The following MAPKAPK5 variants were observed in gnomAD, a reference collection of about 807,000 sequenced individuals.
The protein encoded by MAPKAPK5 is MAP kinase-activated protein kinase 5.
In MAPKAPK5, 30 loss-of-function variants were observed where a neutral mutation model predicts 65.1. That is an observed-to-expected ratio of 0.46 (90% CI 0.34 to 0.63). MAPKAPK5 has a LOEUF of 0.63. MAPKAPK5 is among the 20% of genes least tolerant of loss of function. The pLI, the probability that MAPKAPK5 is intolerant of heterozygous loss-of-function variation, is 0.01. For synonymous variants in MAPKAPK5, 179 were observed against 204.6 expected (o/e 0.87, Z 1.07); for missense variants, 433 against 581.4 (o/e 0.74, Z 2.63).
chr12:111,860,412 T>C (rs2069398601), intron 1 of MAPKAPK5, among the ~76,000 whole-genome samples: 1 of 152,256 alleles, frequency 6.6e-6, no homozygotes, highest in Non-Finnish European at 1.5e-5. Context: ...TCTATGGCTC[T>C]GTTTCAGGAT....
chr12:111,886,741 G>C (rs1566273978), intron 10 of MAPKAPK5, among the ~76,000 whole-genome samples: 2 of 152,228 alleles, frequency 1.3e-5, no homozygotes, highest in Non-Finnish European at 2.9e-5. Context: ...TTAAGTCTTA[G>C]TGGGATGCAG....
intron 7 of MAPKAPK5, among the ~76,000 whole-genome samples, chr12:111,873,469 AAGTAGCTGGGATT>A (rs1241348410): frequency 6.6e-6 from 1 of 151,850 alleles, no homozygotes; most frequent in African/African-American, 2.4e-5. Context: ...TCAGCCTCCT[AAGTAGCTGGGATT>A]ACAGGAGCCC....
At chr12:111,866,131 AT>A in intron 2 of MAPKAPK5, 24 bp from the exon 3 acceptor site, 1 of 1,544,494 alleles carries the variant, frequency 6.5e-7, no homozygotes, top group Non-Finnish European at 8.8e-7. Flanking sequence ...ATGATCTCTG[AT>A]TGATTTTTTT....
intron 1 of MAPKAPK5, among the ~76,000 whole-genome samples, chr12:111,849,412 T>A (rs1247561898): frequency 6.6e-6 from 1 of 152,136 alleles, no homozygotes; most frequent in Non-Finnish European, 1.5e-5. Flanking sequence ...TCCACCACCA[T>A]GCCTAGCTAA....
At chr12:111,847,326 C>T (rs555040490) in intron 1 of MAPKAPK5, among the ~76,000 whole-genome samples, 36 of 138,204 alleles carry the variant, frequency 2.6e-4, no homozygotes, top group Admixed American at 2.0e-3. Flanking sequence ...CCAGCCTGGG[C>T]GACAGGGTGA....
rs2070748818 is a variant in MAPKAPK5, at chr12:111,895,043, T to G, written c.*1982T>G. The G allele has an allele frequency of 1.3e-5, 2 of 151,224 alleles. No individual in the cohort carries two copies. Among genetic ancestry groups the G allele is most frequent in the African/African-American group, 2.4e-5 (1 of 41,090 alleles). The allele number at this position is 151,224 out of a possible 1,614,324, so 9.4% of individuals were successfully genotyped here. On this transcript the variant is annotated 3_prime_UTR_variant, in exon 14 of 14. Transcript: ENST00000550735. ...GTATGTGTGTGACTGCCTGTGGGAA[T>G]AGATGATAAAAAACAAGTGTCTTAA...
chr12:111,852,221 A>C (rs576475796), intron 1 of MAPKAPK5, among the ~76,000 whole-genome samples: 23 of 152,200 alleles, frequency 1.5e-4, no homozygotes, highest in Non-Finnish European at 3.2e-4. Flanking sequence ...AAAGCAAAAA[A>C]GTCAGACAGA....
At chr12:111,859,556 G>A (rs1000387389) in intron 1 of MAPKAPK5, among the ~76,000 whole-genome samples, 1 of 152,144 alleles carries the variant, frequency 6.6e-6, no homozygotes, top group African/African-American at 2.4e-5. Context: ...GAGCCACTGT[G>A]CCCGGTCAAT....
chr12:111,861,315 G>GT (rs1002520417), intron 1 of MAPKAPK5, among the ~76,000 whole-genome samples: 14 of 148,630 alleles, frequency 9.4e-5, no homozygotes, highest in Non-Finnish European at 1.5e-4. Flanking sequence ...TAGTTTTTTT[G>GT]TTTTTTTTGT....
intron 10 of MAPKAPK5, 37 bp downstream of exon 10, chr12:111,886,073 T>C: frequency 6.2e-7 from 1 of 1,613,624 alleles, no homozygotes; most frequent in Non-Finnish European, 8.5e-7. Context: ...CTGAAAAGAC[T>C]GTGTTGGGAA....
intron 8 of MAPKAPK5, among the ~76,000 whole-genome samples, chr12:111,882,486 G>A (rs979654482): frequency 4.6e-5 from 7 of 152,358 alleles, no homozygotes; most frequent in Admixed American, 3.9e-4. Context: ...CCCAGTGGCA[G>A]GCTCACGGGG....
chr12:111,867,481 T>C (rs2136108098), intron 3 of MAPKAPK5, 91 bp from the exon 4 acceptor site: 1 of 808,594 alleles, frequency 1.2e-6, no homozygotes, highest in Middle Eastern at 2.4e-4. Context: ...AAGTTTTTAT[T>C]GTAATTAGCT....
rs761679312 is a variant in MAPKAPK5 at position 111,885,988 on chromosome 12, C to T, written c.921C>T (p.Thr307=). The change falls in exon 10 of 14, where the codon ACC becomes ACT. Residue 307 remains threonine (T), a synonymous_variant. Transcript: ENST00000550735. ...TGGACCACCCCTGGCTCAATTCCACCGAGGCCCTGGATAATGTGCTGCCTT... is the reference window on the plus strand; with the variant it reads ...TGGACCACCCCTGGCTCAATTCCACTGAGGCCCTGGATAATGTGCTGCCTT... The part of the protein sequence containing the change: ...GVLDHPWLNS[T]EALDNVLPSA... The T allele has an allele frequency of 1.6e-5, 26 of 1,613,818 alleles. No homozygotes were observed. Among genetic ancestry groups the T allele is most frequent in the South Asian group, 7.7e-5 (7 of 91,080 alleles).
At chr12:111,880,262 T>C (rs953383756) in intron 7 of MAPKAPK5, 185 bp from the exon 8 acceptor site, 1 of 587,502 alleles carries the variant, frequency 1.7e-6, no homozygotes, top group Non-Finnish European at 3.1e-6. Context: ...TTTCCCTGGC[T>C]GATGGATAAA....
At position 111,899,852 on chromosome 12, in the gene MAPKAPK5, A is replaced by C; in HGVS notation, c.*6791A>C. 2.2e-6 allele frequency: 1 copy of C among 453,604 alleles called. No individual in the cohort carries two copies. Among genetic ancestry groups the C allele is most frequent in the Non-Finnish European group, 4.4e-6 (1 of 224,760 alleles). 28.1% of individuals were successfully genotyped at this position (453,604 alleles called of 1,614,324 possible). On this transcript the variant is annotated 3_prime_UTR_variant, in exon 14 of 14. Transcript: ENST00000550735. ...ACGGTTTGAACATGTGTTATACACC[A>C]TGGCACATCAAGCGTGAGTCTCCTG...
At position 111,901,470 on chromosome 12, in the gene MAPKAPK5, A is replaced by G. The variant is rs1022006607; in HGVS notation, c.*8409A>G. 6.6e-6 allele frequency: 3 copies of G among 453,016 alleles called. No homozygotes were observed. 28.1% of individuals were successfully genotyped at this position (453,016 alleles called of 1,614,324 possible). On this transcript the variant is annotated 3_prime_UTR_variant, in exon 14 of 14. Coordinates refer to ENST00000550735, the MANE Select transcript of MAPKAPK5 (RefSeq NM_003668.4). ...TGAAGAACATGCTGTAGACATGATG[A>G]TATTATCATTCATTATACTTTTTAT...
At position 111,842,293 on chromosome 12, in the gene MAPKAPK5, G is replaced by C. The variant is rs2068739734; in HGVS notation, c.-441G>C. The C allele has an allele frequency of 6.5e-6, 1 of 154,536 alleles. No individual in the cohort carries two copies. The highest frequency in any genetic ancestry group is 1.9e-4 in the South Asian group (1 of 5,174). The allele number at this position is 154,536 out of a possible 1,614,324, so 9.6% of individuals were successfully genotyped here. ...CGGCGCCGAGCTCTGCTTCGGCTTC[G>C]GCTTCGGCTTCGCGGCGGTGCAGGC... On this transcript the variant is annotated 5_prime_UTR_variant, in exon 1 of 14. Coordinates refer to ENST00000550735, the MANE Select transcript of MAPKAPK5 (RefSeq NM_003668.4).
At chr12:111,856,938 A>T (rs4767078) in intron 1 of MAPKAPK5, among the ~76,000 whole-genome samples, 138,090 of 152,200 alleles carry the variant, frequency 0.91, 62,909 homozygotes, top group East Asian at 1. Flanking sequence ...TCTGATGTAA[A>T]TTCTCTGTTG....
At chr12:111,844,968 A>G (rs183860971) in intron 1 of MAPKAPK5, among the ~76,000 whole-genome samples, 3 of 152,342 alleles carry the variant, frequency 2.0e-5, no homozygotes, top group South Asian at 4.1e-4. Context: ...CTTGTAGGCC[A>G]TCGTAAGAAC....
Sources: gnomAD v4.1 joint callset for allele counts (sites outside exome capture counted in the v4.1 genomes callset) on GRCh38, gnomAD v4.1.1 for gene constraint, MANE v1.5 for transcripts, NCBI Gene and HGNC (gene_info 2026-07-23, HGNC 2026-07-21) for gene names.